Variants in GALNT2 observed in about 807,000 individuals in gnomAD.
GALNT2 encodes the protein polypeptide N-acetylgalactosaminyltransferase 2.
A neutral mutation model predicts 81.4 loss-of-function variants in GALNT2; 31 were observed. The ratio of observed to expected loss-of-function variants is 0.38; its 90% CI spans 0.29 to 0.51. The LOEUF is 0.51. Among genes scored for constraint, GALNT2 ranks in the 20% least tolerant of loss-of-function variants. GALNT2 has a pLI of 0.87. For synonymous variants in GALNT2, 303 were observed against 287.4 expected, an observed-to-expected ratio of 1.05 and a Z score of -0.55; for missense variants, 629 against 765.7, an observed-to-expected ratio of 0.82 and a Z score of 2.11.
chr1:230,243,499 C>T lies in GALNT2; in HGVS notation c.729+72C>T, dbSNP rs1181220370. 1.3e-6 allele frequency: 2 copies of T among 1,561,422 alleles called. No individual in the cohort carries two copies. Among genetic ancestry groups the T allele is most frequent in the African/African-American group, 2.7e-5 (2 of 73,160 alleles). On this transcript the variant is annotated intron_variant, in intron 7 of 15. Coordinates refer to ENST00000366672, the MANE Select transcript of GALNT2 (RefSeq NM_004481.5). This position sits in a 1 kb window ranked among gnomAD's most constrained non-coding sequence, Gnocchi z 4.2. ...TAGAGGGGACAGAAGGGAGCATGGT[C>T]CAGGGGAGGTGTAACGCAGGGAGTA...
At chr1:230,239,360 A>G (rs1665128535) in intron 6 of GALNT2, among the ~76,000 whole-genome samples, 1 of 152,200 alleles carries the variant, frequency 6.6e-6, no homozygotes, top group Admixed American at 6.5e-5. Context: ...GAAGCCCCAC[A>G]ATAGGCCATC....
In GALNT2 at chr1:230,243,168, C is replaced by G. The variant is rs1484047000; in HGVS notation, c.608-138C>G. The G allele has an allele frequency of 3.5e-6, 4 of 1,130,730 alleles. No individual in the cohort carries two copies. The highest frequency in any genetic ancestry group is 4.9e-6 in the Non-Finnish European group (4 of 820,988). 70.0% of individuals were successfully genotyped at this position (1,130,730 alleles called of 1,614,324 possible). A position where few individuals can be genotyped will look rare whatever the true frequency, so the allele number is the denominator to read the frequency against. ...TCTCATGGAGCAGTTTTGATCTCAT[C>G]CAGCAAGTTTACAGTAATGTCCGTG... On this transcript the variant is annotated intron_variant, in intron 6 of 15. Transcript: ENST00000366672. This position sits in a 1 kb window ranked among gnomAD's most constrained non-coding sequence, Gnocchi z 4.2.
At chr1:230,099,829 A>G (rs1660351361) in intron 1 of GALNT2, among the ~76,000 whole-genome samples, 1 of 152,216 alleles carries the variant, frequency 6.6e-6, no homozygotes, top group Non-Finnish European at 1.5e-5. Context: ...AGGAAGGGCC[A>G]GTCTTGTCCC....
At chr1:230,127,793 C>T (rs538576050) in intron 1 of GALNT2, among the ~76,000 whole-genome samples, 43 of 152,188 alleles carry the variant, frequency 2.8e-4, no homozygotes, top group African/African-American at 1.0e-3. Flanking sequence ...CTCCTGGGTG[C>T]GTGAACTCTT....
At chr1:230,084,780 C>T (rs965309910) in intron 1 of GALNT2, among the ~76,000 whole-genome samples, 3 of 152,258 alleles carry the variant, frequency 2.0e-5, no homozygotes, top group South Asian at 2.1e-4. Flanking sequence ...CTGGGATCTG[C>T]GTGCTGAGTC....
Position 230,126,556 on chromosome 1 carries a change from C to G in GALNT2, c.127-51662C>G, listed in dbSNP as rs1661187831. 2.0e-5 allele frequency among the ~76,000 whole-genome samples: 3 copies of G among 152,154 alleles called. No individual in the cohort carries two copies. In the South Asian group the frequency reaches 6.2e-4, roughly 32 times the overall value. On this transcript the variant is annotated intron_variant, in intron 1 of 15. Coordinates refer to ENST00000366672, the MANE Select transcript of GALNT2 (RefSeq NM_004481.5). ...AGAGGCCCCCGCCTCCATCCTGCCT[C>G]GCGGGTAGAAACATGAGCGGGAATG...
At chr1:230,214,886 C>T (rs1419759588) in intron 3 of GALNT2, among the ~76,000 whole-genome samples, 2 of 152,120 alleles carry the variant, frequency 1.3e-5, no homozygotes, top group African/African-American at 4.8e-5. Context: ...TGATCCTTTC[C>T]TCTGCTCTGT....
chr1:230,197,283 C>T (rs540009123), intron 2 of GALNT2, among the ~76,000 whole-genome samples: 4 of 152,288 alleles, frequency 2.6e-5, no homozygotes, highest in East Asian at 3.9e-4. Context: ...CTTCTCACAG[C>T]GCTATGGGGA....
intron 1 of GALNT2, among the ~76,000 whole-genome samples, chr1:230,162,330 C>G (rs967858987): frequency 2.0e-5 from 3 of 152,198 alleles, no homozygotes; most frequent in African/African-American, 7.2e-5. Flanking sequence ...CTTTCTCATC[C>G]TCTGAGAATT....
At chr1:230,273,696 TTTG>T (rs1347916232) in intron 14 of GALNT2, among the ~76,000 whole-genome samples, 3 of 152,228 alleles carry the variant, frequency 2.0e-5, no homozygotes, top group Non-Finnish European at 2.9e-5. Flanking sequence ...TGTGTGTTTG[TTTG>T]TTAACATCAT....
At chr1:230,267,633 T>G (rs1001967899) in intron 14 of GALNT2, among the ~76,000 whole-genome samples, 2 of 152,168 alleles carry the variant, frequency 1.3e-5, no homozygotes, top group Non-Finnish European at 2.9e-5. Flanking sequence ...TCAGCCCCCC[T>G]GGGTACTCGT....
chr1:230,213,962 A>C (rs1664308936), intron 3 of GALNT2, among the ~76,000 whole-genome samples: 1 of 152,130 alleles, frequency 6.6e-6, no homozygotes, highest in Admixed American at 6.5e-5. Context: ...TGATTTATTC[A>C]CATATTTATA....
At chr1:230,274,921 ATGTG>A (rs1666244914) in intron 15 of GALNT2, among the ~76,000 whole-genome samples, 1 of 151,144 alleles carries the variant, frequency 6.6e-6, no homozygotes, top group Non-Finnish European at 1.5e-5. Context: ...GTGTGTGTCT[ATGTG>A]TGTATATATG....
At chr1:230,146,451 C>T (rs1661918758) in intron 1 of GALNT2, among the ~76,000 whole-genome samples, 1 of 152,108 alleles carries the variant, frequency 6.6e-6, no homozygotes, top group East Asian at 1.9e-4. Flanking sequence ...AGGTGTTGAT[C>T]GGAGGCCACT....
chr1:230,241,595 C>T (rs750258817), intron 6 of GALNT2, among the ~76,000 whole-genome samples: 23 of 152,110 alleles, frequency 1.5e-4, no homozygotes, highest in Admixed American at 5.2e-4. Flanking sequence ...TACAGGCGCA[C>T]GCCACCACGC....
At chr1:230,209,256 C>G (rs183924332) in intron 3 of GALNT2, among the ~76,000 whole-genome samples, 1 of 152,168 alleles carries the variant, frequency 6.6e-6, no homozygotes, top group Admixed American at 6.5e-5. Flanking sequence ...TGTGCCCCCT[C>G]AAGTTTCTTA....
intron 3 of GALNT2, among the ~76,000 whole-genome samples, chr1:230,219,099 TC>T (rs1472886405): frequency 6.6e-6 from 1 of 152,230 alleles, no homozygotes; most frequent in Middle Eastern, 3.2e-3. Context: ...ATGAAACTGT[TC>T]CTTGGTGCCA....
At chr1:230,140,762 T>C (rs1661705646) in intron 1 of GALNT2, among the ~76,000 whole-genome samples, 2 of 152,226 alleles carry the variant, frequency 1.3e-5, no homozygotes, top group African/African-American at 2.4e-5. Context: ...GAAAAGCTTG[T>C]GCATAACTCA....
At chr1:230,059,689 G>A (rs777028087) in intron 1 of GALNT2, among the ~76,000 whole-genome samples, 1 of 152,070 alleles carries the variant, frequency 6.6e-6, no homozygotes, top group Non-Finnish European at 1.5e-5. Flanking sequence ...TAAAGAAAAC[G>A]ATTTCAAACT....
Sources: allele counts gnomAD v4.1 joint callset (sites outside exome capture counted in the v4.1 genomes callset), GRCh38; gene constraint gnomAD v4.1.1; non-coding constraint Gnocchi (gnomAD v3.1); transcripts MANE v1.5; gene names NCBI Gene and HGNC (gene_info 2026-07-23, HGNC 2026-07-21).